The following SQOR variants were observed in gnomAD, a reference collection of about 807,000 sequenced individuals.
SQOR encodes sulfide:quinone oxidoreductase, mitochondrial.
A neutral mutation model predicts 48.6 loss-of-function variants in SQOR; 39 were observed. The ratio of observed to expected loss-of-function variants is 0.80; its 90% CI spans 0.62 to 1.05. The LOEUF is 1.05. SQOR is among the 50% of genes least tolerant of loss of function. The probability of loss-of-function intolerance (pLI) is 0.00; values close to 1 mark genes in which losing one functional copy is unlikely to be tolerated. For synonymous variants in SQOR, 220 were observed against 206.2 expected (o/e 1.07, Z -0.57); for missense variants, 561 against 559.9 (o/e 1.00, Z -0.02).
chr15:45,633,917 G>A, upstream of SQOR, among the ~76,000 whole-genome samples: 1 of 151,598 alleles, frequency 6.6e-6, no homozygotes, highest in East Asian at 2.0e-4. Flanking sequence ...GCTCACGCCT[G>A]TAATCCCAGC....
chr15:45,667,216 C>T (rs1274153181), intron 3 of SQOR, among the ~76,000 whole-genome samples: 1 of 143,944 alleles, frequency 6.9e-6, no homozygotes, highest in Non-Finnish European at 1.5e-5. Flanking sequence ...CAGCTCACTG[C>T]TCCTTGAACT....
rs1889728819 is a variant in SQOR, at chr15:45,661,989, G to A, written c.269G>A (p.Gly90Asp). The change falls in exon 3 of 10, where the codon GGT becomes GAT. Residue 90 changes from glycine to aspartate, a missense_variant. Physicochemically the swap from Gly to Asp is moderately conservative, Grantham distance 94. Transcript: ENST00000260324. ...HFYQPIWTLVGAGAKQLSSSG... is the reference protein window; with the variant it reads ...HFYQPIWTLVDAGAKQLSSSG... ...TACCAGCCAATCTGGACACTGGTGG[G>A]TGCTGGTGCCAAACAATTGTCCTCA... 2.5e-6 allele frequency: 4 copies of A among 1,614,092 alleles called. No homozygotes were observed. The highest frequency in any genetic ancestry group is 3.4e-6 in the Non-Finnish European group (4 of 1,180,042).
intron 3 of SQOR, among the ~76,000 whole-genome samples, chr15:45,662,711 C>T (rs76981839): frequency 1.5e-3 from 221 of 152,258 alleles, no homozygotes; most frequent in African/African-American, 4.9e-3. Context: ...CAGCAGTGGC[C>T]GCCCCATGTT....
At chr15:45,668,433 A>AT (rs1180900017) in intron 3 of SQOR, among the ~76,000 whole-genome samples, 3 of 152,378 alleles carry the variant, frequency 2.0e-5, no homozygotes, top group African/African-American at 7.2e-5. Context: ...GGAATAAGAC[A>AT]TAACTTTTAT....
At chr15:45,633,186 T>C (rs977481604), upstream of SQOR, among the ~76,000 whole-genome samples, 4 of 151,964 alleles carry the variant, frequency 2.6e-5, no homozygotes, top group African/African-American at 9.6e-5. Context: ...CCTGCACAAT[T>C]TCTGGTGTCC....
intron 3 of SQOR, among the ~76,000 whole-genome samples, chr15:45,669,311 A>C (rs1889896323): frequency 6.6e-6 from 1 of 151,970 alleles, no homozygotes; most frequent in Admixed American, 6.6e-5. Context: ...CTACAGGTGC[A>C]TGCCACCGCA....
intron 4 of SQOR, among the ~76,000 whole-genome samples, chr15:45,671,300 G>T (rs1889937624): frequency 6.6e-6 from 1 of 152,088 alleles, no homozygotes; most frequent in African/African-American, 2.4e-5. Flanking sequence ...GATTACAGGT[G>T]CCCACCACCA....
chr15:45,668,454 T>C (rs938013676), intron 3 of SQOR, among the ~76,000 whole-genome samples: 1 of 152,036 alleles, frequency 6.6e-6, no homozygotes, highest in African/African-American at 2.4e-5. Flanking sequence ...CCTCTAGGAG[T>C]GGTCAGTGTG....
chr15:45,664,557 C>G (rs1468715731), intron 3 of SQOR, among the ~76,000 whole-genome samples: 1 of 152,082 alleles, frequency 6.6e-6, no homozygotes, highest in Non-Finnish European at 1.5e-5. Context: ...AAAGAGGTGC[C>G]TGGAAAGAAG....
At chr15:45,636,190 C>T (rs975060153) in intron 1 of SQOR, among the ~76,000 whole-genome samples, 7 of 152,064 alleles carry the variant, frequency 4.6e-5, no homozygotes, top group Middle Eastern at 3.4e-3. Flanking sequence ...AAACCAATTG[C>T]AAAACACATG....
chr15:45,649,817 G>A (rs1230574691), intron 1 of SQOR, among the ~76,000 whole-genome samples: 1 of 151,100 alleles, frequency 6.6e-6, no homozygotes, highest in African/African-American at 2.4e-5. Context: ...AAGGGGAAAT[G>A]AGAAGGTGGG....
At chr15:45,655,964 C>T (rs541212528) in intron 1 of SQOR, among the ~76,000 whole-genome samples, 3 of 151,184 alleles carry the variant, frequency 2.0e-5, no homozygotes, top group African/African-American at 7.3e-5. Flanking sequence ...GGATTACAGG[C>T]GTGAGCCACC....
At chr15:45,683,318 C>T (rs939958435) in intron 7 of SQOR, among the ~76,000 whole-genome samples, 2 of 152,146 alleles carry the variant, frequency 1.3e-5, no homozygotes, top group African/African-American at 2.4e-5. Context: ...CCATAAAGCT[C>T]GAGGAGCATT....
rs555959409 is a variant in SQOR at position 45,661,289 on chromosome 15, TTAAAAA to T, written c.235-665_235-660del. Among the ~76,000 whole-genome samples the T allele has an allele frequency of 3.6e-4, 30 of 84,374 alleles. 1 individual carries two copies. Among genetic ancestry groups the T allele is most frequent in the Non-Finnish European group, 4.6e-4 (20 of 43,590 alleles). 55.4% of individuals were successfully genotyped at this position (84,374 alleles called of 152,430 possible). ...TGGGGTGATTGGGCGAGACTCTGTC[TTAAAAA>T]AAAAAAAAAAAAAAAAAAAGGACCA... On this transcript the variant is annotated intron_variant, in intron 2 of 9. Transcript: ENST00000260324.
At chr15:45,637,309 T>C (rs1009633734) in intron 1 of SQOR, among the ~76,000 whole-genome samples, 1 of 152,154 alleles carries the variant, frequency 6.6e-6, no homozygotes, top group African/African-American at 2.4e-5. Context: ...AGCTTCTTCA[T>C]TGTACAGTGG....
chr15:45,663,353 A>G (rs949050032), intron 3 of SQOR, among the ~76,000 whole-genome samples: 2 of 152,094 alleles, frequency 1.3e-5, no homozygotes, highest in African/African-American at 4.8e-5. Context: ...TGGGTCATGG[A>G]TCTTTCTGGG....
In SQOR at chr15:45,691,136, T is replaced by A; in HGVS notation, c.*106T>A. The A allele has an allele frequency of 1.0e-6, 1 of 985,838 alleles. No homozygotes were observed. Among genetic ancestry groups the A allele is most frequent in the Non-Finnish European group, 1.6e-6 (1 of 609,386 alleles). 61.1% of individuals were successfully genotyped at this position (985,838 alleles called of 1,614,324 possible). On this transcript the variant is annotated 3_prime_UTR_variant, in exon 10 of 10. Coordinates refer to ENST00000260324, the MANE Select transcript of SQOR (RefSeq NM_021199.4). ...ACTTGGAACCTATCCTTGTAAAGAG[T>A]TCCTTGATGGGTAATGGTGACCAAA...
chr15:45,651,520 C>T (rs570336516), intron 1 of SQOR, among the ~76,000 whole-genome samples: 1 of 152,386 alleles, frequency 6.6e-6, no homozygotes, highest in East Asian at 1.9e-4. Context: ...CGAGGAGGTG[C>T]TGAGAGCGAG....
upstream of SQOR, among the ~76,000 whole-genome samples, chr15:45,632,336 C>T (rs901058691): frequency 2.6e-5 from 4 of 151,962 alleles, no homozygotes; most frequent in Non-Finnish European, 5.9e-5. Flanking sequence ...TCTCCTGCCT[C>T]AGCCTCCCGA....
Sources: gnomAD v4.1 joint callset for allele counts (sites outside exome capture counted in the v4.1 genomes callset) on GRCh38, gnomAD v4.1.1 for gene constraint, MANE v1.5 for transcripts, NCBI Gene and HGNC (gene_info 2026-07-23, HGNC 2026-07-21) for gene names.